The following TG variants were observed in gnomAD, a reference collection of about 807,000 sequenced individuals.
TG encodes thyroid hormones.
A neutral mutation model predicts 324.7 loss-of-function variants in TG; 270 were observed. That is an observed-to-expected ratio of 0.83 (90% CI 0.75 to 0.92). The LOEUF (loss-of-function observed/expected upper bound fraction) is 0.92. Among genes scored for constraint, TG ranks in the 40% least tolerant of loss-of-function variants. The pLI is 0.00. For missense variants in TG, 3,591 were observed against 3,456.4 expected, an observed-to-expected ratio of 1.04 and a Z score of -0.98; for synonymous variants, 1,401 against 1,327.0, an observed-to-expected ratio of 1.06 and a Z score of -1.21.
intron 41 of TG, among the ~76,000 whole-genome samples, chr8:133,063,164 C>T (rs1265944802): frequency 6.6e-6 from 1 of 151,196 alleles, no homozygotes; most frequent in Admixed American, 6.6e-5. Context: ...ACAATGCCTT[C>T]CTGTCCTTTC....
chr8:133,087,708 A>T (rs1260183443), intron 41 of TG: 1 of 152,232 alleles, frequency 6.6e-6, no homozygotes, highest in Non-Finnish European at 1.5e-5. Flanking sequence ...CTCCTCCATC[A>T]TTCACTCACC....
intron 43 of TG, among the ~76,000 whole-genome samples, chr8:133,098,821 G>A (rs998877828): frequency 6.6e-6 from 1 of 152,154 alleles, no homozygotes; most frequent in Non-Finnish European, 1.5e-5. Context: ...CCAGGCTCAT[G>A]TTTTCTGATT....
At chr8:132,878,231 A>AG (rs370728086) in intron 5 of TG, among the ~76,000 whole-genome samples, 60 of 152,204 alleles carry the variant, frequency 3.9e-4, no homozygotes, top group Non-Finnish European at 7.1e-4. Flanking sequence ...GTCCTCATGA[A>AG]GGGGGGAACA....
At chr8:132,891,062 G>T (rs901493654) in intron 10 of TG, among the ~76,000 whole-genome samples, 3 of 152,226 alleles carry the variant, frequency 2.0e-5, no homozygotes, top group African/African-American at 7.2e-5. Flanking sequence ...TGGTGGAACA[G>T]AGGTATGTAC....
At chr8:133,077,675 C>T (rs1445435952) in intron 41 of TG, among the ~76,000 whole-genome samples, 1 of 152,090 alleles carries the variant, frequency 6.6e-6, no homozygotes, top group Non-Finnish European at 1.5e-5. Flanking sequence ...TCAGTAACCC[C>T]AAGCGGGGTC....
At chr8:132,925,493 G>C (rs116354841) in intron 22 of TG, among the ~76,000 whole-genome samples, 349 of 149,744 alleles carry the variant, frequency 2.3e-3, no homozygotes, top group African/African-American at 8.5e-3. Context: ...CTCTAGTGAA[G>C]TGCTAACAAG....
chr8:132,937,944 T>A (rs1400354929), intron 25 of TG, among the ~76,000 whole-genome samples: 2 of 152,146 alleles, frequency 1.3e-5, no homozygotes, highest in Non-Finnish European at 2.9e-5. Context: ...TCCTTTTTGG[T>A]TTAAAGCAGA....
intron 10 of TG, among the ~76,000 whole-genome samples, chr8:132,890,603 T>C (rs745686260): frequency 1.3e-5 from 2 of 152,230 alleles, no homozygotes; most frequent in Admixed American, 1.3e-4. Context: ...GGTTCTACCA[T>C]CTACTGCTCT....
chr8:133,095,968 G>C (rs1473638543), intron 42 of TG, among the ~76,000 whole-genome samples: 1 of 152,176 alleles, frequency 6.6e-6, no homozygotes, highest in African/African-American at 2.4e-5. Flanking sequence ...CTGGGGATCT[G>C]CTGTTACCTC....
At chr8:132,874,990 C>A (rs1839830408) in intron 5 of TG, among the ~76,000 whole-genome samples, 1 of 152,180 alleles carries the variant, frequency 6.6e-6, no homozygotes. Flanking sequence ...GCCTTTGGGA[C>A]CTGCCTTCTG....
intron 36 of TG, among the ~76,000 whole-genome samples, 179 bp from the exon 37 acceptor site, chr8:133,013,421 G>A (rs1018066647): frequency 1.3e-5 from 2 of 151,958 alleles, no homozygotes; most frequent in African/African-American, 4.8e-5. Context: ...GTAGATGAGT[G>A]GATGGGTGGA....
chr8:132,982,151 A>G (rs1449511715), intron 34 of TG, among the ~76,000 whole-genome samples: 2 of 152,232 alleles, frequency 1.3e-5, no homozygotes, highest in Non-Finnish European at 2.9e-5. Context: ...TCGCAACCCT[A>G]TGAGAGGCAC....
At chr8:132,903,321 C>T (rs369062397) in intron 16 of TG, among the ~76,000 whole-genome samples, 48 of 152,288 alleles carry the variant, frequency 3.2e-4, no homozygotes, top group African/African-American at 9.4e-4. Context: ...GCTCTTCTGA[C>T]GCCACCGGCC....
At chr8:133,080,782 A>G (rs1038398668) in intron 41 of TG, among the ~76,000 whole-genome samples, 1 of 152,132 alleles carries the variant, frequency 6.6e-6, no homozygotes, top group Non-Finnish European at 1.5e-5. Flanking sequence ...CATGCACTTC[A>G]CCACTGCCCT....
At position 133,032,068 on chromosome 8, in the gene TG, C is replaced by T. The variant is rs372857894; in HGVS notation, c.7239+2045C>T. Reference sequence around the variant, plus strand: ...GTGTGCCTTGCTCTCCACGGGACCCCGAGCACCCCACACAGCACATCTTAG... The same window carrying T: ...GTGTGCCTTGCTCTCCACGGGACCCTGAGCACCCCACACAGCACATCTTAG... On this transcript the variant is annotated intron_variant, in intron 41 of 47. Coordinates refer to ENST00000220616, the MANE Select transcript of TG (RefSeq NM_003235.5). Among the ~76,000 whole-genome samples the T allele has an allele frequency of 3.3e-5, 5 of 152,210 alleles. No individual in the cohort carries two copies. The East Asian group carries it at 7.7e-4, about 24-fold the overall frequency.
intron 22 of TG, among the ~76,000 whole-genome samples, chr8:132,924,892 G>A (rs1821614936): frequency 1.3e-5 from 2 of 152,198 alleles, no homozygotes. Context: ...TTCCCCATCT[G>A]TTAAACTTGG....
At chr8:133,101,026 C>T (rs1849172435) in intron 43 of TG, among the ~76,000 whole-genome samples, 1 of 152,018 alleles carries the variant, frequency 6.6e-6, no homozygotes. Context: ...GCTAACTAGT[C>T]CTTTGGAAAG....
At position 132,908,170 on chromosome 8, in the gene TG, TG is replaced by T; in HGVS notation, c.3848-14del. 1 of 1,613,638 alleles carries T rather than the reference TG, an allele frequency of 6.2e-7. No individual in the cohort carries two copies. Among genetic ancestry groups the T allele is most frequent in the East Asian group, 2.2e-5 (1 of 44,858 alleles). ...CAGGCCCATTGCCTCTGCTGATCTC[TG>T]GTGCTTGCCTGCAGGGCCCCAGCTG... On this transcript the variant is annotated splice_polypyrimidine_tract_variant and intron_variant, in intron 17 of 47. Transcript: ENST00000220616.
In TG at chr8:133,131,706, G is replaced by C; in HGVS notation, c.7863-106G>C. 3.3e-6 allele frequency: 5 copies of C among 1,507,296 alleles called. No homozygotes were observed. In the South Asian group the frequency reaches 3.6e-5, roughly 11 times the overall value. The allele number at this position is 1,507,296 out of a possible 1,614,324, so 93.4% of individuals were successfully genotyped here. ...GGATACTTGGATATGATATAAAGAA[G>C]GGAAAGTCTTGGTTTTGGAAGAAAT... is the stretch of plus-strand genomic sequence containing the variant. On this transcript the variant is annotated intron_variant, in intron 45 of 47. Coordinates refer to ENST00000220616, the MANE Select transcript of TG (RefSeq NM_003235.5).
Sources: allele counts gnomAD v4.1 joint callset (sites outside exome capture counted in the v4.1 genomes callset), GRCh38; gene constraint gnomAD v4.1.1; transcripts MANE v1.5; gene names NCBI Gene and HGNC (gene_info 2026-07-23, HGNC 2026-07-21).